NELL2: variants seen among roughly 807,000 people sequenced by gnomAD.
The protein encoded by NELL2 is neural EGFL like 2, also known as protein kinase C-binding protein NELL2.
In NELL2, 41 loss-of-function variants were observed where a neutral mutation model predicts 109.6. The observed-to-expected ratio is 0.37, with a 90% confidence interval of 0.29 to 0.49. The LOEUF (loss-of-function observed/expected upper bound fraction) is 0.49, where lower values mean the gene tolerates loss of function less well. Among genes scored for constraint, NELL2 ranks in the 20% least tolerant of loss-of-function variants. The pLI is 0.98. For synonymous variants in NELL2, 355 were observed against 344.7 expected (o/e 1.03, Z -0.33); for missense variants, 900 against 1,008.3 (o/e 0.89, Z 1.45).
chr12:44,617,535 CA>C (rs1249648335), intron 13 of NELL2, among the ~76,000 whole-genome samples: 3 of 134,622 alleles, frequency 2.2e-5, no homozygotes, highest in Non-Finnish European at 3.1e-5. Flanking sequence ...AAAACACACA[CA>C]AAAAAATTAG....
intron 12 of NELL2, among the ~76,000 whole-genome samples, chr12:44,677,723 T>C (rs945120943): frequency 1.3e-5 from 2 of 151,994 alleles, no homozygotes; most frequent in African/African-American, 4.8e-5. Context: ...ATACATGGGA[T>C]CTAATATTGC....
intron 3 of NELL2, among the ~76,000 whole-genome samples, chr12:44,791,028 C>CTAACTA (rs1281327484): frequency 1.0e-4 from 13 of 129,052 alleles, no homozygotes; most frequent in Admixed American, 5.8e-4. Flanking sequence ...TTACTAATGA[C>CTAACTA]CTAAGAAAGG....
intron 9 of NELL2, among the ~76,000 whole-genome samples, chr12:44,741,532 G>T (rs201361489): frequency 6.6e-6 from 1 of 152,218 alleles, no homozygotes; most frequent in African/African-American, 2.4e-5. Flanking sequence ...AGTGCAAGGG[G>T]TCAGGGAATT....
At chr12:44,900,308 C>T (rs1029431715) in intron 1 of NELL2, among the ~76,000 whole-genome samples, 16 of 152,170 alleles carry the variant, frequency 1.1e-4, no homozygotes, top group Non-Finnish European at 1.9e-4. Context: ...ATAGAATATA[C>T]ATTCTTCTCA....
At chr12:44,597,255 C>G (rs549840707) in intron 15 of NELL2, among the ~76,000 whole-genome samples, 1 of 152,108 alleles carries the variant, frequency 6.6e-6, no homozygotes, top group Admixed American at 6.5e-5. Flanking sequence ...TTTACAGCAC[C>G]TTTCATTTTT....
chr12:44,904,222 A>G (rs758066986), intron 1 of NELL2, among the ~76,000 whole-genome samples: 6 of 152,134 alleles, frequency 3.9e-5, no homozygotes, highest in African/African-American at 7.2e-5. Flanking sequence ...ACTTCATTGT[A>G]TAAAACAACT....
chr12:44,602,603 A>T (rs1592190283), intron 15 of NELL2, among the ~76,000 whole-genome samples: 2 of 152,158 alleles, frequency 1.3e-5, no homozygotes, highest in East Asian at 1.9e-4. Flanking sequence ...TTTTCTTCTC[A>T]ATTTCTCCTC....
At chr12:44,587,284 A>AAAAAAAAAAAAAAATATAT in intron 15 of NELL2, among the ~76,000 whole-genome samples, 14 of 72,202 alleles carry the variant, frequency 1.9e-4, no homozygotes, top group South Asian at 6.9e-4. Flanking sequence ...AAAAAAAAAA[A>AAAAAAAAAAAAAAATATAT]ATATATATAT....
At chr12:44,560,635 A>G (rs927371291) in intron 15 of NELL2, among the ~76,000 whole-genome samples, 4 of 152,226 alleles carry the variant, frequency 2.6e-5, no homozygotes, top group Non-Finnish European at 5.9e-5. Context: ...ACCAGGAAGA[A>G]GTCGAATCCC....
intron 2 of NELL2, among the ~76,000 whole-genome samples, chr12:44,871,869 T>G (rs1945173483): frequency 6.6e-6 from 1 of 152,232 alleles, no homozygotes; most frequent in South Asian, 2.1e-4. Flanking sequence ...TGCTTTGATT[T>G]TATCCACTTC....
chr12:44,714,494 T>C (rs1271981467), intron 10 of NELL2, among the ~76,000 whole-genome samples, 156 bp downstream of exon 10: 3 of 152,064 alleles, frequency 2.0e-5, no homozygotes, highest in Non-Finnish European at 4.4e-5. Context: ...TGCTTAAAAA[T>C]GAGAATTTCT....
upstream of NELL2, among the ~76,000 whole-genome samples, chr12:44,878,372 G>T (rs1380148311): frequency 6.6e-6 from 1 of 152,172 alleles, no homozygotes; most frequent in Non-Finnish European, 1.5e-5. Context: ...TAAAACTAAG[G>T]TATAAGGTTT....
intron 9 of NELL2, among the ~76,000 whole-genome samples, chr12:44,744,135 G>T (rs1168765389): frequency 6.6e-6 from 1 of 152,098 alleles, no homozygotes; most frequent in African/African-American, 2.4e-5. Context: ...TAGAACTCAG[G>T]ATTAAGAAAC....
chr12:44,649,198 C>T (rs1422488080), intron 13 of NELL2, among the ~76,000 whole-genome samples: 1 of 151,958 alleles, frequency 6.6e-6, no homozygotes, highest in South Asian at 2.1e-4. Context: ...CTCCTTCTCT[C>T]TTCCTCCTTC....
intron 3 of NELL2, among the ~76,000 whole-genome samples, chr12:44,794,292 T>C (rs576516602): frequency 6.6e-6 from 1 of 152,170 alleles, no homozygotes; most frequent in East Asian, 1.9e-4. Context: ...ACTCAGTACA[T>C]ACAAAATACT....
rs550692319 is a variant in NELL2 at position 44,622,208 on chromosome 12, C to T, written c.1445-11238G>A. Among the ~76,000 whole-genome samples the T allele has an allele frequency of 8.6e-5, 13 of 152,016 alleles. No homozygotes were observed. The South Asian group carries it at 1.9e-3, about 22-fold the overall frequency. Reference sequence around the variant, plus strand: ...ACTCACTCAGAATCCCTGTAACACCCGTGAGATTTAATATTTAGAAAAGTA... The same window carrying T: ...ACTCACTCAGAATCCCTGTAACACCTGTGAGATTTAATATTTAGAAAAGTA... On this transcript the variant is annotated intron_variant, in intron 13 of 19. Coordinates refer to ENST00000429094, the MANE Select transcript of NELL2 (RefSeq NM_001145108.2).
intron 16 of NELL2, among the ~76,000 whole-genome samples, chr12:44,530,637 G>A (rs529142475): frequency 2.6e-5 from 4 of 152,306 alleles, no homozygotes; most frequent in East Asian, 1.9e-4. Context: ...CTATGGCTCC[G>A]ATATTCGGCA....
intron 15 of NELL2, among the ~76,000 whole-genome samples, chr12:44,572,200 A>C (rs1235326939): frequency 1.3e-5 from 2 of 152,180 alleles, no homozygotes; most frequent in African/African-American, 4.8e-5. Context: ...GGATTGCAGT[A>C]GTATGATCAC....
chr12:44,551,726 C>T (rs1376996), intron 15 of NELL2, among the ~76,000 whole-genome samples: 129,492 of 152,144 alleles, frequency 0.85, 55,539 homozygotes, highest in East Asian at 1. Context: ...TGATGTGAGG[C>T]TTGTGTAAAT....
Sources: gnomAD v4.1 joint callset for allele counts (sites outside exome capture counted in the v4.1 genomes callset) on GRCh38, gnomAD v4.1.1 for gene constraint, MANE v1.5 for transcripts, NCBI Gene and HGNC (gene_info 2026-07-23, HGNC 2026-07-21) for gene names.